Variants in SPTLC1 observed in about 807,000 individuals in gnomAD.
The protein encoded by SPTLC1 is serine palmitoyltransferase 1.
Under a neutral mutation model 68.9 loss-of-function variants are expected in SPTLC1, and 55 were observed. That is an observed-to-expected ratio of 0.80 (90% confidence interval 0.64 to 1.00). The LOEUF (loss-of-function observed/expected upper bound fraction) is 1.00. Ranked by LOEUF, SPTLC1 falls within the 50% of genes least tolerant of loss-of-function variation. The pLI is 0.00. For missense variants in SPTLC1, 449 were observed against 573.1 expected, an observed-to-expected ratio of 0.78 and a Z score of 2.21; for synonymous variants, 197 against 201.6, an observed-to-expected ratio of 0.98 and a Z score of 0.19.
chr9:92,049,811 G>A (rs1833646276), intron 9 of SPTLC1, 149 bp downstream of exon 9: 3 of 696,820 alleles, frequency 4.3e-6, no homozygotes, highest in Non-Finnish European at 8.0e-6. Flanking sequence ...GACTCATCCT[G>A]GGCTCACTGA....
chr9:92,083,100 T>C (rs1322616712), intron 3 of SPTLC1, among the ~76,000 whole-genome samples: 1 of 151,312 alleles, frequency 6.6e-6, no homozygotes, highest in East Asian at 1.9e-4. Flanking sequence ...TGTTTTTTTC[T>C]TGTAAATTTG....
At chr9:92,050,859 C>G (rs757255974) in intron 8 of SPTLC1, 5 of 186,932 alleles carry the variant, frequency 2.7e-5, no homozygotes, top group Non-Finnish European at 3.4e-5. Context: ...GCCACCCAGG[C>G]TAGAGTGCAG....
At chr9:92,040,780 A>G (rs924051943) in intron 12 of SPTLC1, among the ~76,000 whole-genome samples, 17 of 152,122 alleles carry the variant, frequency 1.1e-4, no homozygotes, top group African/African-American at 4.1e-4. Context: ...AAAAAAAAGA[A>G]AAGAAATACA....
chr9:92,032,541 G>A lies in SPTLC1; in HGVS notation c.1346C>T (p.Thr449Met), dbSNP rs1391275819. 8.1e-6 allele frequency: 13 copies of A among 1,614,022 alleles called. No homozygotes were observed. The South Asian group carries it at 8.8e-5, about 11-fold the overall frequency. The part of the protein sequence containing the change: ...LPPPSIRVVV[T>M]VEQTEEELER... ...CAGTTCTTCCTCTGTTTGTTCCACCGTGACCACAACCCGAATGCTGAGAAC... is the reference window on the plus strand; with the variant it reads ...CAGTTCTTCCTCTGTTTGTTCCACCATGACCACAACCCGAATGCTGAGAAC... Residue 449 changes from threonine (T) to methionine (M), a missense_variant, in exon 15 of 15, where the codon ACG becomes ATG. Coordinates refer to ENST00000262554, the MANE Select transcript of SPTLC1 (RefSeq NM_006415.4).
At chr9:92,088,905 A>C (rs371778548) in intron 3 of SPTLC1, among the ~76,000 whole-genome samples, 9 of 152,282 alleles carry the variant, frequency 5.9e-5, no homozygotes, top group Middle Eastern at 3.4e-3. Context: ...AAGCAAGTAA[A>C]ACCAACCAGA....
chr9:92,066,115 C>T (rs1156671247), intron 6 of SPTLC1, among the ~76,000 whole-genome samples: 1 of 152,076 alleles, frequency 6.6e-6, no homozygotes, highest in African/African-American at 2.4e-5. Flanking sequence ...TAATGGGCTC[C>T]CAGCAAGAAA....
chr9:92,032,678 C>T (rs1833010665), intron 14 of SPTLC1, 120 bp from the exon 15 acceptor site: 3 of 1,315,370 alleles, frequency 2.3e-6, no homozygotes, highest in Non-Finnish European at 3.2e-6. Context: ...AGATCGAGAC[C>T]ATCCTGGCTA....
chr9:92,070,280 A>G (rs1834432318), intron 5 of SPTLC1: 1 of 152,232 alleles, frequency 6.6e-6, no homozygotes, highest in Non-Finnish European at 1.5e-5. Flanking sequence ...CCTTTGTGCA[A>G]CGAAGAAACT....
At chr9:92,104,390 G>A (rs1190170129) in intron 3 of SPTLC1, 1 of 1,400,294 alleles carries the variant, frequency 7.1e-7, no homozygotes, top group African/African-American at 1.5e-5. Flanking sequence ...CGACATCTTG[G>A]GCCTTCTTTT....
chr9:92,055,142 CTT>C (rs1242825194), intron 8 of SPTLC1: 1 of 787,014 alleles, frequency 1.3e-6, no homozygotes, highest in Non-Finnish European at 1.5e-6. Context: ...GGAAGGATCA[CTT>C]GAGCCCAGGA....
intron 3 of SPTLC1, among the ~76,000 whole-genome samples, chr9:92,092,212 G>A (rs12336689): frequency 0.14 from 20,730 of 152,090 alleles, 2,277 homozygotes; most frequent in African/African-American, 0.3. Flanking sequence ...TGATAAAGCC[G>A]TGGAACATTT....
At chr9:92,046,906 G>GC (rs1390834997) in intron 11 of SPTLC1, among the ~76,000 whole-genome samples, 1 of 152,160 alleles carries the variant, frequency 6.6e-6, no homozygotes, top group Non-Finnish European at 1.5e-5. Flanking sequence ...CTGGCTGAGA[G>GC]CCCCTCGTCC....
intron 3 of SPTLC1, among the ~76,000 whole-genome samples, chr9:92,084,850 G>A (rs1384832389): frequency 1.2e-4 from 19 of 152,014 alleles, no homozygotes; most frequent in African/African-American, 4.4e-4. Context: ...GGTAGAATTC[G>A]GCTGTGAATC....
At position 92,081,198 on chromosome 9, in the gene SPTLC1, A is replaced by G. The variant is rs12684486; in HGVS notation, c.261-235T>C. Reference sequence around the variant, plus strand: ...TGTACTATGAAAATAAAAAAGAAAAATAAGCTAGAATTCCAAGATGAATGA... The same window carrying G: ...TGTACTATGAAAATAAAAAAGAAAAGTAAGCTAGAATTCCAAGATGAATGA... On this transcript the variant is annotated intron_variant, in intron 3 of 14. Transcript: ENST00000262554. Among the ~76,000 whole-genome samples, 201 of 152,362 alleles carry G rather than the reference A, an allele frequency of 1.3e-3. No homozygotes were observed. The East Asian group carries it at 0.033, about 25-fold the overall frequency.
At chr9:92,103,637 T>C (rs1254834218) in intron 3 of SPTLC1, among the ~76,000 whole-genome samples, 19 of 152,170 alleles carry the variant, frequency 1.2e-4, no homozygotes, top group Admixed American at 1.1e-3. Context: ...GGGCACCGCG[T>C]CCTCTCTTTG....
At chr9:92,087,424 G>T (rs1835187846) in intron 3 of SPTLC1, among the ~76,000 whole-genome samples, 1 of 152,286 alleles carries the variant, frequency 6.6e-6, no homozygotes, top group South Asian at 2.1e-4. Context: ...GGTTTTTGGT[G>T]TGCATGTCCT....
chr9:92,085,770 G>C (rs1835098281), intron 3 of SPTLC1, among the ~76,000 whole-genome samples: 1 of 152,164 alleles, frequency 6.6e-6, no homozygotes, highest in African/African-American at 2.4e-5. Context: ...CCTTGGTGCA[G>C]AGCTCAGTTC....
chr9:92,115,391 A>G lies in SPTLC1; in HGVS notation c.-21T>C. The G allele has an allele frequency of 6.2e-7, 1 of 1,612,786 alleles. No individual in the cohort carries two copies. The highest frequency in any genetic ancestry group is 8.5e-7 in the Non-Finnish European group (1 of 1,179,628). The stretch of plus-strand genomic sequence containing the variant: ...GCCATAGTTAGCCGCTTCCTTCCGG[A>G]AGGCGGGTCACAAGCGCGTCCCAAA... On this transcript the variant is annotated 5_prime_UTR_variant, in exon 1 of 15. Coordinates refer to ENST00000262554, the MANE Select transcript of SPTLC1 (RefSeq NM_006415.4).
chr9:92,059,156 A>G, intron 7 of SPTLC1, 23 bp downstream of exon 7: 2 of 1,610,548 alleles, frequency 1.2e-6, no homozygotes, highest in Non-Finnish European at 8.5e-7. Flanking sequence ...AGAACTGTAT[A>G]ATTTTCTTCA....
Sources: allele counts gnomAD v4.1 joint callset (sites outside exome capture counted in the v4.1 genomes callset), GRCh38; gene constraint gnomAD v4.1.1; transcripts MANE v1.5; gene names NCBI Gene and HGNC (gene_info 2026-07-23, HGNC 2026-07-21).